Variants in LRRC37A observed in about 807,000 individuals in gnomAD.
The protein encoded by LRRC37A is leucine rich repeat containing 37A, also known as leucine-rich repeat-containing protein 37A.
Under a neutral mutation model 35.4 loss-of-function variants are expected in LRRC37A, and 3 were observed. That is an observed-to-expected ratio of 0.08 (90% CI 0.04 to 0.22). LRRC37A has a LOEUF of 0.22. LRRC37A is among the 10% of genes least tolerant of loss of function. LRRC37A has a pLI of 1.00. For missense variants in LRRC37A, 67 were observed against 565.3 expected (o/e 0.12, Z 8.94); for synonymous variants, 23 against 215.0 (o/e 0.11, Z 7.81).
At chr17:46,280,161 T>C in the LRRC37A span, among the ~76,000 whole-genome samples, 1 of 151,692 alleles carries the variant, frequency 6.6e-6, no homozygotes, top group Non-Finnish European at 1.5e-5. Context: ...TCACTTGCCT[T>C]GAGACCAGCT....
the LRRC37A span, among the ~76,000 whole-genome samples, chr17:46,280,569 C>CTTTTTTTTTTT: frequency 5.4e-5 from 6 of 112,012 alleles, no homozygotes; most frequent in Non-Finnish European, 8.5e-5. Flanking sequence ...TGATAGCACA[C>CTTTTTTTTTTT]TTTTTTTTTT....
At chr17:46,281,928 G>A in the LRRC37A span, among the ~76,000 whole-genome samples, 4 of 151,728 alleles carry the variant, frequency 2.6e-5, no homozygotes, top group Non-Finnish European at 5.9e-5. Flanking sequence ...ACAGGCATGA[G>A]CCATCACGCC....
chr17:46,264,250 C>G, the LRRC37A span, among the ~76,000 whole-genome samples: 1 of 151,950 alleles, frequency 6.6e-6, no homozygotes, highest in African/African-American at 2.4e-5. Flanking sequence ...ATGTGTGAGC[C>G]ACTGAGCCTG....
the LRRC37A span, among the ~76,000 whole-genome samples, chr17:46,276,092 T>C: frequency 4.6e-5 from 7 of 152,344 alleles, no homozygotes; most frequent in Non-Finnish European, 8.8e-5. Flanking sequence ...GGTTTCACCA[T>C]GTTGGCCAGG....
At chr17:46,256,104 G>A in the LRRC37A span, among the ~76,000 whole-genome samples, 1 of 152,156 alleles carries the variant, frequency 6.6e-6, no homozygotes, top group Non-Finnish European at 1.5e-5. Flanking sequence ...AAGACCAGGT[G>A]GTCTGGCTAG....
At chr17:46,317,167 C>A (rs1433597018) in intron 5 of LRRC37A, among the ~76,000 whole-genome samples, 1 of 89,582 alleles carries the variant, frequency 1.1e-5, no homozygotes, top group Admixed American at 1.2e-4. Context: ...AGAGGCGCTC[C>A]TCACATCCCA....
At chr17:46,250,012 G>A in the LRRC37A span, among the ~76,000 whole-genome samples, 10 of 152,186 alleles carry the variant, frequency 6.6e-5, no homozygotes, top group South Asian at 2.1e-4. Context: ...CACCATGTTC[G>A]TCTCAAACTC....
the LRRC37A span, chr17:46,259,972 A>G: frequency 6.3e-7 from 1 of 1,578,518 alleles, no homozygotes. Context: ...GAGCCACTCC[A>G]CAGCCACCTG....
the LRRC37A span, among the ~76,000 whole-genome samples, chr17:46,258,219 C>T: frequency 4.3e-3 from 633 of 145,828 alleles, no homozygotes; most frequent in Middle Eastern, 0.011. Flanking sequence ...GAAAGAGATT[C>T]TTTTTTTTTT....
Position 46,325,956 on chromosome 17 carries a change from A to G in LRRC37A, c.3054-2436A>G. On this transcript the variant is annotated intron_variant, in intron 7 of 13. Coordinates refer to ENST00000320254, the Ensembl canonical transcript of LRRC37A. ...GGAAAAAAAGAAAATGTTTAAAATA[A>G]AAAGTTGGGGGCAGAAAAAGAATAC... 2.9e-5 allele frequency among the ~76,000 whole-genome samples: 2 copies of G among 69,028 alleles called. 1 individual carries two copies. The highest frequency in any genetic ancestry group is 1.0e-4 in the Non-Finnish European group (2 of 19,330). The allele number at this position is 69,028 out of a possible 152,430, so 45.3% of individuals were successfully genotyped here.
the LRRC37A span, among the ~76,000 whole-genome samples, chr17:46,281,628 T>C: frequency 6.6e-6 from 1 of 152,144 alleles, no homozygotes; most frequent in African/African-American, 2.4e-5. Flanking sequence ...CATGGTCTTG[T>C]TATGTTGGTA....
the LRRC37A span, among the ~76,000 whole-genome samples, chr17:46,281,121 TTC>T: frequency 0.034 from 5,243 of 152,280 alleles, 135 homozygotes; most frequent in Non-Finnish European, 0.052. Flanking sequence ...ATCTAAAAGT[TTC>T]TTTTATTCTT....
At chr17:46,253,383 G>C in the LRRC37A span, among the ~76,000 whole-genome samples, 1 of 152,154 alleles carries the variant, frequency 6.6e-6, no homozygotes, top group Non-Finnish European at 1.5e-5. Flanking sequence ...GGCACTTTGG[G>C]AGGCCAAGGC....
chr17:46,248,817 G>T, the LRRC37A span, among the ~76,000 whole-genome samples: 203 of 151,114 alleles, frequency 1.3e-3, no homozygotes, highest in Middle Eastern at 7.0e-3. Context: ...ACCTCACCTG[G>T]CCTCACTTAT....
At chr17:46,284,075 C>G in the LRRC37A span, among the ~76,000 whole-genome samples, 1 of 152,240 alleles carries the variant, frequency 6.6e-6, no homozygotes, top group Middle Eastern at 3.2e-3. Context: ...TGCCCAGGGA[C>G]GGGCAGGAGA....
the LRRC37A span, among the ~76,000 whole-genome samples, chr17:46,267,893 CTT>C: frequency 0.29 from 25,695 of 87,694 alleles, 4,488 homozygotes; most frequent in South Asian, 0.54. Context: ...ACTCCCACAT[CTT>C]TTTTTTTTTT....
At chr17:46,280,350 T>A in the LRRC37A span, among the ~76,000 whole-genome samples, 1 of 151,320 alleles carries the variant, frequency 6.6e-6, no homozygotes, top group Non-Finnish European at 1.5e-5. Context: ...GGCAACAGAG[T>A]GAGACTCTGT....
chr17:46,264,064 T>C, the LRRC37A span, among the ~76,000 whole-genome samples: 1 of 151,804 alleles, frequency 6.6e-6, no homozygotes, highest in East Asian at 1.9e-4. Flanking sequence ...AATAATACAA[T>C]TCATTGTAAG....
chr17:46,269,391 G>A, the LRRC37A span, among the ~76,000 whole-genome samples: 13 of 152,294 alleles, frequency 8.5e-5, no homozygotes, highest in Admixed American at 1.3e-4. Flanking sequence ...AAAATTAGCC[G>A]GGTGTGGTGG....
Sources: gnomAD v4.1 joint callset for allele counts (sites outside exome capture counted in the v4.1 genomes callset) on GRCh38, gnomAD v4.1.1 for gene constraint, MANE v1.5 for transcripts, NCBI Gene and HGNC (gene_info 2026-07-23, HGNC 2026-07-21) for gene names.